Variants in CAMTA1 observed in about 807,000 individuals in gnomAD.
CAMTA1 encodes calmodulin binding transcription activator 1.
Under a neutral mutation model 170.9 loss-of-function variants are expected in CAMTA1, and 27 were observed. That is an observed-to-expected ratio of 0.16 (90% CI 0.12 to 0.22). The LOEUF is 0.22. CAMTA1 is among the 10% of genes least tolerant of loss of function. The pLI, the probability that CAMTA1 is intolerant of heterozygous loss-of-function variation, is 1.00. For synonymous variants in CAMTA1, 833 were observed against 891.5 expected (o/e 0.93, Z 1.17); for missense variants, 1,619 against 2,217.2 (o/e 0.73, Z 5.42).
chr1:7,309,589 G>A (rs1200252738), intron 5 of CAMTA1, among the ~76,000 whole-genome samples: 2 of 151,990 alleles, frequency 1.3e-5, no homozygotes, highest in African/African-American at 4.8e-5. Flanking sequence ...GTGAGCCGCC[G>A]CGCCCGGCCT....
chr1:7,430,192 C>T lies in CAMTA1; in HGVS notation c.439-37638C>T, dbSNP rs116441867. 3.4e-3 allele frequency among the ~76,000 whole-genome samples: 506 copies of T among 150,358 alleles called. 1 individual carries two copies. Among genetic ancestry groups the T allele is most frequent in the African/African-American group, 0.012 (484 of 40,900 alleles). On this transcript the variant is annotated intron_variant, in intron 5 of 22. Transcript: ENST00000303635. ...ATGATGACGATGGCAGTGGTGATGA[C>T]GGTGATAACATGGATGATGGTGATT...
chr1:6,821,381 C>T (rs1321292216), intron 2 of CAMTA1, among the ~76,000 whole-genome samples: 1 of 152,120 alleles, frequency 6.6e-6, no homozygotes, highest in Non-Finnish European at 1.5e-5. Flanking sequence ...ATTATGCTGA[C>T]TTGAATATAA....
At chr1:7,301,442 G>A (rs1484941586) in intron 5 of CAMTA1, among the ~76,000 whole-genome samples, 2 of 152,238 alleles carry the variant, frequency 1.3e-5, no homozygotes, top group African/African-American at 4.8e-5. Flanking sequence ...GTACAAAGGA[G>A]TCTTATAGTT....
chr1:7,507,186 C>T (rs2094131602), intron 6 of CAMTA1, among the ~76,000 whole-genome samples: 1 of 151,534 alleles, frequency 6.6e-6, no homozygotes, highest in South Asian at 2.1e-4. Flanking sequence ...CACTCACATA[C>T]ATAACACCCT....
intron 3 of CAMTA1, among the ~76,000 whole-genome samples, chr1:6,865,915 G>A (rs891149486): frequency 5.9e-5 from 9 of 152,190 alleles, no homozygotes; most frequent in African/African-American, 1.9e-4. Context: ...CCATCTTCCA[G>A]TGTGGCTTTA....
In CAMTA1 at chr1:7,523,991, A is replaced by G. The variant is rs528273581; in HGVS notation, c.510+56090A>G. On this transcript the variant is annotated intron_variant, in intron 6 of 22. Transcript: ENST00000303635. Reference sequence around the variant, plus strand: ...GCTGAGGCGGGTGGATCACAAGGTCAGGAGTTTGAGACCAGCCTGGCCAAT... The same window carrying G: ...GCTGAGGCGGGTGGATCACAAGGTCGGGAGTTTGAGACCAGCCTGGCCAAT... Among the ~76,000 whole-genome samples, 3 of 152,274 alleles carry G rather than the reference A, an allele frequency of 2.0e-5. No homozygotes were observed. The East Asian group carries it at 5.8e-4, about 29-fold the overall frequency.
At chr1:6,843,622 G>T (rs1424505369) in intron 3 of CAMTA1, among the ~76,000 whole-genome samples, 3 of 152,194 alleles carry the variant, frequency 2.0e-5, no homozygotes, top group Non-Finnish European at 2.9e-5. Flanking sequence ...TGGGATTACA[G>T]GCACGCACCA....
At chr1:7,156,136 G>A (rs1487588656) in intron 4 of CAMTA1, among the ~76,000 whole-genome samples, 1 of 151,308 alleles carries the variant, frequency 6.6e-6, no homozygotes, top group African/African-American at 2.4e-5. Context: ...AAAATAGCCA[G>A]ATGTGGTGGC....
chr1:7,420,645 A>G (rs904864929), intron 5 of CAMTA1, among the ~76,000 whole-genome samples: 2 of 152,048 alleles, frequency 1.3e-5, no homozygotes, highest in African/African-American at 2.4e-5. Context: ...TTTCTGTTCT[A>G]TGCTCAGTCT....
rs1394739043 is a variant in CAMTA1, at chr1:7,463,211, C to T, written c.439-4619C>T. ...TGCCCTAAGCATGCTCTGCTCAGGA[C>T]GCCTTGGGTAAGTTGCTGAATCCTC... is the stretch of plus-strand genomic sequence containing the variant. On this transcript the variant is annotated intron_variant, in intron 5 of 22. Coordinates refer to ENST00000303635, the MANE Select transcript of CAMTA1 (RefSeq NM_015215.4). The surrounding 1 kb of genome is among the most constrained non-coding windows in gnomAD (Gnocchi z 4.7). 2.6e-5 allele frequency among the ~76,000 whole-genome samples: 4 copies of T among 152,178 alleles called. No individual in the cohort carries two copies. Among genetic ancestry groups the T allele is most frequent in the South Asian group, 4.1e-4 (2 of 4,832 alleles).
At chr1:6,807,343 A>G (rs1157886689) in intron 1 of CAMTA1, among the ~76,000 whole-genome samples, 1 of 151,956 alleles carries the variant, frequency 6.6e-6, no homozygotes, top group Non-Finnish European at 1.5e-5. Context: ...CTGAGCAGGT[A>G]CTCTTTCTGA....
chr1:7,749,631 T>C, intron 19 of CAMTA1: 1 of 341,682 alleles, frequency 2.9e-6, no homozygotes, highest in Non-Finnish European at 5.7e-6. Context: ...AAAACAAATA[T>C]TTTGGAAGAT....
intron 7 of CAMTA1, among the ~76,000 whole-genome samples, chr1:7,646,313 C>A (rs916328134): frequency 8.4e-5 from 12 of 142,660 alleles, no homozygotes; most frequent in African/African-American, 3.2e-4. Flanking sequence ...GGTGGAGGCC[C>A]TGGTGAGTTG....
intron 1 of CAMTA1, among the ~76,000 whole-genome samples, chr1:6,796,334 C>T (rs1034411892): frequency 5.9e-5 from 9 of 151,664 alleles, no homozygotes; most frequent in Non-Finnish European, 1.2e-4. Flanking sequence ...GATGGAGTTT[C>T]GCCGTGTTGC....
At chr1:6,913,375 C>G (rs1680117503) in intron 3 of CAMTA1, among the ~76,000 whole-genome samples, 1 of 152,196 alleles carries the variant, frequency 6.6e-6, no homozygotes, top group Non-Finnish European at 1.5e-5. Context: ...AGAAACCTCC[C>G]AGATCTGCCT....
intron 5 of CAMTA1, among the ~76,000 whole-genome samples, chr1:7,359,882 G>A (rs543635812): frequency 5.3e-4 from 80 of 152,278 alleles, no homozygotes; most frequent in African/African-American, 1.8e-3. Flanking sequence ...CACAAACGGC[G>A]TGGCTTAAAC....
At chr1:7,575,204 C>T (rs2150357981) in intron 6 of CAMTA1, among the ~76,000 whole-genome samples, 1 of 152,286 alleles carries the variant, frequency 6.6e-6, no homozygotes, top group African/African-American at 2.4e-5. Flanking sequence ...TTATTCTTTG[C>T]TGAATGCCAC....
Position 7,251,589 on chromosome 1 carries a change from C to G in CAMTA1, c.438+1963C>G, listed in dbSNP as rs1456911179. Among the ~76,000 whole-genome samples, 3 of 152,168 alleles carry G rather than the reference C, an allele frequency of 2.0e-5. No homozygotes were observed. Among genetic ancestry groups the G allele is most frequent in the South Asian group, 2.1e-4 (1 of 4,826 alleles). ...CAGCGAGTTGTCCCACTGAGCCACT[C>G]AGCAGATATCGACCCTGTGTGCCTA... On this transcript the variant is annotated intron_variant, in intron 5 of 22. Transcript: ENST00000303635. This position sits in a 1 kb window ranked among gnomAD's most constrained non-coding sequence, Gnocchi z 5.1.
At chr1:6,926,167 C>G (rs1162523123) in intron 3 of CAMTA1, among the ~76,000 whole-genome samples, 1 of 152,236 alleles carries the variant, frequency 6.6e-6, no homozygotes, top group Non-Finnish European at 1.5e-5. Flanking sequence ...GTGGTTGTCA[C>G]TAATGATCAC....
Sources: allele counts gnomAD v4.1 joint callset (sites outside exome capture counted in the v4.1 genomes callset), GRCh38; gene constraint gnomAD v4.1.1; non-coding constraint Gnocchi (gnomAD v3.1); transcripts MANE v1.5; gene names NCBI Gene and HGNC (gene_info 2026-07-23, HGNC 2026-07-21).